INF2: variants seen among roughly 807,000 people sequenced by gnomAD.
INF2 encodes the protein inverted formin 2.
Under a neutral mutation model 123.5 loss-of-function variants are expected in INF2, and 43 were observed. That is an observed-to-expected ratio of 0.35 (90% confidence interval 0.27 to 0.45). The LOEUF (loss-of-function observed/expected upper bound fraction) is 0.45. Ranked by LOEUF, INF2 falls within the 20% of genes least tolerant of loss-of-function variation. INF2 has a pLI of 1.00. For synonymous variants in INF2, 851 were observed against 745.0 expected (o/e 1.14, Z -2.32); for missense variants, 1,453 against 1,682.7 (o/e 0.86, Z 2.39).
Position 104,713,539 on chromosome 14 carries a change from G to A in INF2, c.2973G>A (p.Arg991=), listed in dbSNP as rs1890153381. 2 of 1,611,712 alleles carry A rather than the reference G, an allele frequency of 1.2e-6. No individual in the cohort carries two copies. The highest frequency in any genetic ancestry group is 1.7e-6 in the Non-Finnish European group (2 of 1,179,490). Residue 991 remains arginine, a synonymous_variant, in exon 20 of 23, where the codon CGG becomes CGA. Coordinates refer to ENST00000392634, the MANE Select transcript of INF2 (RefSeq NM_022489.4). ...GCTTCCAGCTGCGGAAGACAGCCCG[G>A]GGCCGCGGGGACACCGACGGGGGCA... The part of the protein sequence containing the change: ...RKGFQLRKTA[R]GRGDTDGGSK...
In INF2 at chr14:104,708,005, G is replaced by T; in HGVS notation, c.1735+3G>T. On this transcript the variant is annotated splice_donor_region_variant and intron_variant, in intron 8 of 22. Transcript: ENST00000392634. ...GCTGCCATCCAACGTGGCACGTGGT[G>T]AGGGTCCCCAGACCCCCAAGGGAAG... is the stretch of plus-strand genomic sequence containing the variant. 6.3e-7 allele frequency: 1 copy of T among 1,598,154 alleles called. No individual in the cohort carries two copies. Among genetic ancestry groups the T allele is most frequent in the South Asian group, 1.1e-5 (1 of 91,082 alleles).
intron 1 of INF2, among the ~76,000 whole-genome samples, chr14:104,693,272 G>C (rs903202298): frequency 3.3e-5 from 5 of 152,322 alleles, no homozygotes; most frequent in African/African-American, 1.2e-4. Flanking sequence ...GAGGTGGGGT[G>C]GGGGAGAGGG....
Position 104,689,746 on chromosome 14 carries a change from C to G in INF2, c.-10+7C>G. 1.0e-6 allele frequency: 1 copy of G among 985,138 alleles called. No homozygotes were observed. The highest frequency in any genetic ancestry group is 1.2e-6 in the Non-Finnish European group (1 of 829,824). 61.0% of individuals were successfully genotyped at this position (985,138 alleles called of 1,614,324 possible). ...CTGGCCGTTGCCTCACCGGGTAAGTCCTTGGCCTCGGGGTCCGCTTGGAGC... is the reference window on the plus strand; with the variant it reads ...CTGGCCGTTGCCTCACCGGGTAAGTGCTTGGCCTCGGGGTCCGCTTGGAGC... On this transcript the variant is annotated splice_region_variant and intron_variant, in intron 1 of 22. Coordinates refer to ENST00000392634, the MANE Select transcript of INF2 (RefSeq NM_022489.4).
At chr14:104,710,612 T>C (rs750147543) in intron 13 of INF2, 5 of 510,004 alleles carry the variant, frequency 9.8e-6, no homozygotes, top group Non-Finnish European at 1.4e-5. Context: ...CTCACATACA[T>C]GTACAGACAT....
chr14:104,712,460 G>C lies in INF2; in HGVS notation c.2517G>C (p.Glu839Asp). 6.2e-7 allele frequency: 1 copy of C among 1,612,646 alleles called. No individual in the cohort carries two copies. The highest frequency in any genetic ancestry group is 8.5e-7 in the Non-Finnish European group (1 of 1,179,818). ...TCAACCTGGAGATCATCCGCTCAGAGGCCAGCTCCAACCTGAAGAAGCTTC... is the reference window on the plus strand; with the variant it reads ...TCAACCTGGAGATCATCCGCTCAGACGCCAGCTCCAACCTGAAGAAGCTTC... ...AGINLEIIRS[E>D]ASSNLKKLLE... The change falls in exon 17 of 23, where the codon GAG becomes GAC. Residue 839 changes from glutamate to aspartate, a missense_variant. Glu to Asp is a conservative substitution (Grantham distance 45). Coordinates refer to ENST00000392634, the MANE Select transcript of INF2 (RefSeq NM_022489.4).
intron 6 of INF2, 55 bp from the exon 7 acceptor site, chr14:104,706,855 T>G: frequency 1.3e-6 from 2 of 1,588,888 alleles, no homozygotes; most frequent in Non-Finnish European, 1.7e-6. Flanking sequence ...CCACAGTCCT[T>G]AGTCCACCAG....
intron 1 of INF2, 100 bp from the exon 2 acceptor site, chr14:104,701,257 G>A: frequency 7.5e-7 from 1 of 1,338,420 alleles, no homozygotes; most frequent in Non-Finnish European, 1.0e-6. Flanking sequence ...AATTGCAGCA[G>A]AGAAACTGAG....
At chr14:104,687,103 C>A (rs751899595), upstream of INF2, among the ~76,000 whole-genome samples, 97 of 152,174 alleles carry the variant, frequency 6.4e-4, no homozygotes, top group Non-Finnish European at 1.2e-3. The surrounding 1 kb of genome is among the most constrained non-coding windows in gnomAD (Gnocchi z 5.6). Flanking sequence ...GAAGGACCGA[C>A]ACCCAGGAGG....
chr14:104,704,916 T>G (rs1268923797), intron 5 of INF2: 1 of 152,266 alleles, frequency 6.6e-6, no homozygotes, highest in Non-Finnish European at 1.5e-5. Context: ...TGGGATATAC[T>G]TATGCCAAAA....
chr14:104,706,800 G>C (rs529768595), intron 6 of INF2, 110 bp from the exon 7 acceptor site: 3 of 1,252,110 alleles, frequency 2.4e-6, no homozygotes, highest in African/African-American at 1.5e-5. Flanking sequence ...CTAGGGATCC[G>C]TGGGAATAGA....
Position 104,699,298 on chromosome 14 carries a change from C to A in INF2, c.-9-2059C>A, listed in dbSNP as rs1889355939. The A allele has an allele frequency of 1.5e-6, 1 of 681,692 alleles. No individual in the cohort carries two copies. The highest frequency in any genetic ancestry group is 6.5e-5 in the South Asian group (1 of 15,372). 42.2% of individuals were successfully genotyped at this position (681,692 alleles called of 1,614,324 possible). The stretch of plus-strand genomic sequence containing the variant: ...TCAGCCTGTGCCAAGGGGACAGGGA[C>A]TCCGGCCAATGGAGGCGGGGGAGGA... On this transcript the variant is annotated intron_variant, in intron 1 of 22. Coordinates refer to ENST00000392634, the MANE Select transcript of INF2 (RefSeq NM_022489.4). The surrounding 1 kb of genome is among the most constrained non-coding windows in gnomAD (Gnocchi z 4.7).
Position 104,705,416 on chromosome 14 carries a change from CAA to C in INF2, c.702-608_702-607del, listed in dbSNP as rs11289751. Among the ~76,000 whole-genome samples the C allele has an allele frequency of 1.7e-4, 25 of 143,594 alleles. 1 individual carries two copies. The highest frequency in any genetic ancestry group is 1.0e-3 in the Admixed American group (15 of 14,364). 94.2% of individuals were successfully genotyped at this position (143,594 alleles called of 152,430 possible). On this transcript the variant is annotated intron_variant, in intron 5 of 22. Transcript: ENST00000392634. ...TGGGTGACAGAGCGAGACTCCATCTCAAAAAAAAAAAACAGAAATGGCCTCAG... is the reference window on the plus strand; with the variant it reads ...TGGGTGACAGAGCGAGACTCCATCTCAAAAAAAAAACAGAAATGGCCTCAG...
chr14:104,687,916 G>A (rs1024357767), upstream of INF2, among the ~76,000 whole-genome samples: 1 of 152,178 alleles, frequency 6.6e-6, no homozygotes, highest in Non-Finnish European at 1.5e-5. The surrounding 1 kb of genome is among the most constrained non-coding windows in gnomAD (Gnocchi z 5.6). Context: ...GCCCAGCACC[G>A]CTGCCAGGCA....
chr14:104,709,586 G>A (rs1889947963), intron 11 of INF2, 34 bp from the exon 12 acceptor site: 2 of 1,584,336 alleles, frequency 1.3e-6, no homozygotes, highest in African/African-American at 2.7e-5. Flanking sequence ...AAGCTGGCAT[G>A]GGGGGATCCC....
chr14:104,689,206 G>C, upstream of INF2: 1 of 985,392 alleles, frequency 1.0e-6, no homozygotes, highest in Non-Finnish European at 1.2e-6. Context: ...CTCCGGATCC[G>C]GCTGGCTGGA....
In INF2 at chr14:104,699,648, G is replaced by C; in HGVS notation, c.-9-1709G>C. 1.0e-6 allele frequency: 1 copy of C among 955,934 alleles called. No individual in the cohort carries two copies. Among genetic ancestry groups the C allele is most frequent in the Non-Finnish European group, 1.2e-6 (1 of 803,018 alleles). 59.2% of individuals were successfully genotyped at this position (955,934 alleles called of 1,614,324 possible). ...CAAGAGGGCCGGGCCTGGGAGGGTG[G>C]CTTAAAACCACAGTGCACCGGGGGC... On this transcript the variant is annotated intron_variant, in intron 1 of 22. Transcript: ENST00000392634. This position sits in a 1 kb window ranked among gnomAD's most constrained non-coding sequence, Gnocchi z 4.7.
At chr14:104,709,937 G>C (rs577606419) in intron 12 of INF2, 151 bp from the exon 13 acceptor site, 4 of 768,128 alleles carry the variant, frequency 5.2e-6, no homozygotes, top group Non-Finnish European at 8.8e-6. Flanking sequence ...CCTGCTCTGC[G>C]CAGGCCCGGG....
chr14:104,691,164 C>CG (rs1555372122), intron 1 of INF2: 1 of 152,240 alleles, frequency 6.6e-6, no homozygotes, highest in Non-Finnish European at 1.5e-5. Flanking sequence ...GAGGAGCTGA[C>CG]GGCTGTCAAG....
At position 104,712,563 on chromosome 14, in the gene INF2, C is replaced by T; in HGVS notation, c.2610+10C>T. The stretch of plus-strand genomic sequence containing the variant: ...CACCGAGCGCCTCCAGGCAAGTGGG[C>T]ACCTGGGCCTGGGGCTGGCGGGAGA... On this transcript the variant is annotated intron_variant, in intron 17 of 22. Transcript: ENST00000392634. 3 of 1,612,552 alleles carry T rather than the reference C, an allele frequency of 1.9e-6. No individual in the cohort carries two copies. Among genetic ancestry groups the T allele is most frequent in the Non-Finnish European group, 2.5e-6 (3 of 1,179,748 alleles).
Sources: gnomAD v4.1 joint callset for allele counts (sites outside exome capture counted in the v4.1 genomes callset) on GRCh38, gnomAD v4.1.1 for gene constraint, Gnocchi (gnomAD v3.1) non-coding constraint, MANE v1.5 for transcripts, NCBI Gene and HGNC (gene_info 2026-07-23, HGNC 2026-07-21) for gene names.